TRIB3: variants seen among roughly 807,000 people sequenced by gnomAD.
The protein encoded by TRIB3 is tribbles pseudokinase 3.
In TRIB3, 20 loss-of-function variants were observed where a neutral mutation model predicts 16.6. The ratio of observed to expected loss-of-function variants is 1.20; its 90% CI spans 0.85 to 1.75. TRIB3 has a LOEUF of 1.75. TRIB3 is among the 40% of genes most tolerant of loss of function. The pLI, the probability that TRIB3 is intolerant of heterozygous loss-of-function variation, is 0.00. For missense variants in TRIB3, 484 were observed against 488.9 expected, an observed-to-expected ratio of 0.99 and a Z score of 0.10; for synonymous variants, 208 against 217.0, an observed-to-expected ratio of 0.96 and a Z score of 0.36.
intron 3 of TRIB3, among the ~76,000 whole-genome samples, chr20:392,739 G>T (rs568953991): frequency 6.6e-6 from 1 of 152,130 alleles, no homozygotes; most frequent in South Asian, 2.1e-4. Flanking sequence ...TCTATGTTTA[G>T]TAGAAACGGG....
intron 2 of TRIB3, among the ~76,000 whole-genome samples, chr20:390,888 G>A (rs2014953082): frequency 3.3e-5 from 5 of 151,320 alleles, no homozygotes; most frequent in Non-Finnish European, 1.5e-5. Flanking sequence ...TGTAATCCCA[G>A]CTACACTGGG....
chr20:383,492 A>G (rs936023987), intron 1 of TRIB3, among the ~76,000 whole-genome samples: 1 of 152,222 alleles, frequency 6.6e-6, no homozygotes, highest in Admixed American at 6.6e-5. Context: ...TTTGTTGCAC[A>G]GGCTAGAGTT....
rs538892362 is a variant in TRIB3, at chr20:381,912, A to C, written c.-1+743A>C. On this transcript the variant is annotated intron_variant, in intron 1 of 3. Transcript: ENST00000217233. ...CCGGGGAGGGCGGGGGACGACAGCCACCTCCTTCCCTCTGCCTCACCCCCC... is the reference window on the plus strand; with the variant it reads ...CCGGGGAGGGCGGGGGACGACAGCCCCCTCCTTCCCTCTGCCTCACCCCCC... 2.6e-5 allele frequency among the ~76,000 whole-genome samples: 4 copies of C among 151,996 alleles called. No individual in the cohort carries two copies. In the East Asian group the frequency reaches 7.8e-4, roughly 30 times the overall value.
At chr20:392,290 T>C (rs994326219) in intron 3 of TRIB3, among the ~76,000 whole-genome samples, 3 of 152,142 alleles carry the variant, frequency 2.0e-5, no homozygotes, top group Non-Finnish European at 4.4e-5. Flanking sequence ...TAGATCTGAC[T>C]CCAGAGCCTG....
Position 386,640 on chromosome 20 carries a change from T to C in TRIB3, c.1-1371T>C, listed in dbSNP as rs866895687. ...CAGGCTGAAGTGCAGTGGTGTGATC[T>C]CAGCTCACTGCAACCTCCACCTCCC... On this transcript the variant is annotated intron_variant, in intron 1 of 3. Coordinates refer to ENST00000217233, the MANE Select transcript of TRIB3 (RefSeq NM_021158.5). 2.6e-5 allele frequency among the ~76,000 whole-genome samples: 4 copies of C among 151,936 alleles called. No individual in the cohort carries two copies. In the Middle Eastern group the frequency reaches 0.01, roughly 388 times the overall value.
chr20:388,140 C>G lies in TRIB3; in HGVS notation c.130C>G (p.Pro44Ala), dbSNP rs1274664497. 3.1e-6 allele frequency: 5 copies of G among 1,613,446 alleles called. No homozygotes were observed. Among genetic ancestry groups the G allele is most frequent in the Admixed American group, 3.3e-5 (2 of 60,002 alleles). Residue 44 changes from proline to alanine, a missense_variant, in exon 2 of 4, where the codon CCC becomes GCC. Physicochemically the swap from Pro to Ala is conservative, Grantham distance 27. Coordinates refer to ENST00000217233, the MANE Select transcript of TRIB3 (RefSeq NM_021158.5). ...RARSGPQPRL[P>A]PCLLPLSPPT... is the part of the protein sequence containing the mutation. ...TCGAAGTGGGCCCCAGCCCAGACTG[C>G]CCCCCTGCCTGTTGCCCCTGAGCCC...
chr20:388,150 T>C lies in TRIB3; in HGVS notation c.140T>C (p.Leu47Pro), dbSNP rs759247301. The change falls in exon 2 of 4, where the codon CTG becomes CCG. Residue 47 changes from leucine (L) to proline (P), a missense_variant. Coordinates refer to ENST00000217233, the MANE Select transcript of TRIB3 (RefSeq NM_021158.5). Reference protein sequence around the residue: ...SGPQPRLPPCLLPLSPPTAPD... With the variant: ...SGPQPRLPPCPLPLSPPTAPD... Reference sequence around the variant, plus strand: ...CCCCAGCCCAGACTGCCCCCCTGCCTGTTGCCCCTGAGCCCACCTACTGCT... The same window carrying C: ...CCCCAGCCCAGACTGCCCCCCTGCCCGTTGCCCCTGAGCCCACCTACTGCT... 2 of 1,614,112 alleles carry C rather than the reference T, an allele frequency of 1.2e-6. No homozygotes were observed. Among genetic ancestry groups the C allele is most frequent in the South Asian group, 2.2e-5 (2 of 91,084 alleles).
Position 396,957 on chromosome 20 carries a change from A to G in TRIB3, c.*267A>G. ...GAGACAATATTCCCTGCTCACAGAG[A>G]TGACAAACTGGCATCCTTGAGCTGA... On this transcript the variant is annotated 3_prime_UTR_variant, in exon 4 of 4. Transcript: ENST00000217233. 4.5e-6 allele frequency: 2 copies of G among 444,514 alleles called. No homozygotes were observed. Among genetic ancestry groups the G allele is most frequent in the Non-Finnish European group, 8.0e-6 (2 of 248,668 alleles). The allele number at this position is 444,514 out of a possible 1,614,324, so 27.5% of individuals were successfully genotyped here. A position where few individuals can be genotyped will look rare whatever the true frequency, so the allele number is the denominator to read the frequency against.
rs1302373644 is a variant in TRIB3, at chr20:396,460, G to T, written c.847G>T (p.Gly283Cys). The T allele has an allele frequency of 6.2e-7, 1 of 1,612,838 alleles. No individual in the cohort carries two copies. The highest frequency in any genetic ancestry group is 1.7e-5 in the Admixed American group (1 of 60,016). ...IRRGAYALPAGLSAPARCLVR... is the reference protein window; with the variant it reads ...IRRGAYALPACLSAPARCLVR... ...CCGCGGGGCCTACGCCTTGCCTGCA[G>T]GCCTCTCGGCCCCTGCCCGCTGTCT... is the stretch of plus-strand genomic sequence containing the variant. The change falls in exon 4 of 4, where the codon GGC becomes TGC. Residue 283 changes from glycine (G) to cysteine (C), a missense_variant. Physicochemically the swap from Gly to Cys is radical, Grantham distance 159. Transcript: ENST00000217233.
At chr20:388,507 G>A (rs1335027991) in intron 2 of TRIB3, among the ~76,000 whole-genome samples, 1 of 152,178 alleles carries the variant, frequency 6.6e-6, no homozygotes, top group East Asian at 1.9e-4. Context: ...CACAGCTTAG[G>A]CCCTACAGTG....
intron 1 of TRIB3, among the ~76,000 whole-genome samples, chr20:386,679 TCTC>T (rs2014820150): frequency 6.6e-6 from 1 of 152,018 alleles, no homozygotes; most frequent in African/African-American, 2.4e-5. Context: ...TTCAAGTGAT[TCTC>T]CTGTCTCAGC....
At chr20:392,700 G>T (rs1202005843) in intron 3 of TRIB3, among the ~76,000 whole-genome samples, 1 of 152,026 alleles carries the variant, frequency 6.6e-6, no homozygotes, top group Non-Finnish European at 1.5e-5. Flanking sequence ...GGGACTACAG[G>T]CATGCGCCAC....
chr20:391,102 C>G (rs138812984), intron 2 of TRIB3, among the ~76,000 whole-genome samples, 185 bp from the exon 3 acceptor site: 1 of 151,792 alleles, frequency 6.6e-6, no homozygotes, highest in African/African-American at 2.4e-5. Flanking sequence ...CTTCGTTAAC[C>G]GTAAAATGGA....
At chr20:387,813 A>T (rs1057262912) in intron 1 of TRIB3, among the ~76,000 whole-genome samples, 198 bp from the exon 2 acceptor site, 1 of 152,038 alleles carries the variant, frequency 6.6e-6, no homozygotes, top group African/African-American at 2.4e-5. Context: ...ACTATATTTA[A>T]TTTTTTTGTG....
chr20:385,189 C>T (rs6107242), intron 1 of TRIB3, among the ~76,000 whole-genome samples: 40,518 of 152,020 alleles, frequency 0.27, 6,773 homozygotes, highest in African/African-American at 0.47. Context: ...CTCAGCTCAC[C>T]GCAACCTTTG....
intron 1 of TRIB3, among the ~76,000 whole-genome samples, chr20:386,558 A>ACG (rs1454344956): frequency 3.3e-5 from 5 of 150,972 alleles, no homozygotes; most frequent in African/African-American, 1.2e-4. Flanking sequence ...ACAGGTATGC[A>ACG]CCACCACGCC....
In TRIB3 at chr20:388,246, G is replaced by C. The variant is rs61740295; in HGVS notation, c.236G>C (p.Gly79Ala). Residue 79 changes from glycine (G) to alanine (A), a missense_variant, in exon 2 of 4, where the codon GGC becomes GCC. Physicochemically the swap from Gly to Ala is moderately conservative, Grantham distance 60. Coordinates refer to ENST00000217233, the MANE Select transcript of TRIB3 (RefSeq NM_021158.5). ...GPYVLLEPEEGGRAYQALHCP... is the reference protein window; with the variant it reads ...GPYVLLEPEEAGRAYQALHCP... ...TATGTCCTCCTGGAGCCCGAGGAGG[G>C]CGGGCGGGCCTACCAGGCCCTGCAC... 582 of 1,613,382 alleles carry C rather than the reference G, an allele frequency of 3.6e-4. 2 individuals carry two copies. The highest frequency in any genetic ancestry group is 4.4e-4 in the Non-Finnish European group (520 of 1,180,022).
intron 1 of TRIB3, among the ~76,000 whole-genome samples, chr20:383,045 G>A (rs1166980980): frequency 1.3e-5 from 2 of 152,096 alleles, no homozygotes; most frequent in African/African-American, 4.8e-5. Context: ...CACCTCCTTG[G>A]AATGGAGTTT....
chr20:395,820 G>C (rs1381111455), intron 3 of TRIB3, among the ~76,000 whole-genome samples: 1 of 152,132 alleles, frequency 6.6e-6, no homozygotes, highest in African/African-American at 2.4e-5. Flanking sequence ...TTTTTAGGTA[G>C]CGCTTGTGCT....
Sources: allele counts gnomAD v4.1 joint callset (sites outside exome capture counted in the v4.1 genomes callset), GRCh38; gene constraint gnomAD v4.1.1; transcripts MANE v1.5; gene names NCBI Gene and HGNC (gene_info 2026-07-23, HGNC 2026-07-21).